Variants in BCAR1 observed in about 807,000 individuals in gnomAD.
The protein encoded by BCAR1 is BCAR1 scaffold protein, Cas family member, also known as breast cancer anti-estrogen resistance protein 1.
In BCAR1, 30 loss-of-function variants were observed where a neutral mutation model predicts 67.6. That is an observed-to-expected ratio of 0.44 (90% CI 0.33 to 0.60). The LOEUF (loss-of-function observed/expected upper bound fraction) is 0.60, where lower values mean the gene tolerates loss of function less well. Among genes scored for constraint, BCAR1 ranks in the 20% least tolerant of loss-of-function variants. BCAR1 has a pLI of 0.02. For missense variants in BCAR1, 1,313 were observed against 1,222.3 expected, an observed-to-expected ratio of 1.07 and a Z score of -1.11; for synonymous variants, 626 against 556.7, an observed-to-expected ratio of 1.12 and a Z score of -1.75.
Position 75,264,636 on chromosome 16 carries a change from G to C in BCAR1, c.66+3279C>G, listed in dbSNP as rs1039617448. Reference sequence around the variant, plus strand: ...CATTACCACTTCTGGAGGCGAGCAGGAGCGGGCTCTTTAATTCCACAATAA... The same window carrying C: ...CATTACCACTTCTGGAGGCGAGCAGCAGCGGGCTCTTTAATTCCACAATAA... On this transcript the variant is annotated intron_variant, in intron 1 of 6. Transcript: ENST00000393422. The C allele has an allele frequency of 6.3e-6, 8 of 1,263,432 alleles. No homozygotes were observed. In the Admixed American group the frequency reaches 3.0e-4, roughly 48 times the overall value. The allele number at this position is 1,263,432 out of a possible 1,614,324, so 78.3% of individuals were successfully genotyped here.
chr16:75,233,983 G>A, intron 5 of BCAR1, 48 bp from the exon 6 acceptor site: 1 of 1,539,454 alleles, frequency 6.5e-7, no homozygotes, highest in Non-Finnish European at 8.8e-7. Context: ...TTCTGAGCCA[G>A]AAGCACAGGC....
At chr16:75,252,027 C>T (rs2077693381), upstream of BCAR1, 2 of 682,882 alleles carry the variant, frequency 2.9e-6, no homozygotes, top group Non-Finnish European at 4.9e-6. Flanking sequence ...AACCCCAGGG[C>T]ATTCATCGCG....
chr16:75,262,292 A>G (rs1010166972), intron 1 of BCAR1, among the ~76,000 whole-genome samples: 5 of 152,214 alleles, frequency 3.3e-5, no homozygotes, highest in Non-Finnish European at 1.5e-5. Flanking sequence ...GGCAAGCTGC[A>G]GCCAGAAGGC....
chr16:75,238,326 C>T (rs2151423172), intron 2 of BCAR1: 1 of 1,141,308 alleles, frequency 8.8e-7, no homozygotes, highest in Non-Finnish European at 1.1e-6. Context: ...CACCAGGCTC[C>T]CTGTTCAGCT....
chr16:75,234,142 C>A (rs1414322703), intron 5 of BCAR1, among the ~76,000 whole-genome samples: 1 of 149,774 alleles, frequency 6.7e-6, no homozygotes, highest in African/African-American at 2.5e-5. Context: ...CACAGACTGG[C>A]ACGTGCAGGG....
At chr16:75,249,939 C>T (rs1262471429) in intron 1 of BCAR1, 1 of 152,260 alleles carries the variant, frequency 6.6e-6, no homozygotes, top group African/African-American at 2.4e-5. Flanking sequence ...AACTGACTGT[C>T]TCTCTGTACC....
chr16:75,231,159 C>T (rs980270297), intron 6 of BCAR1, among the ~76,000 whole-genome samples: 3 of 150,266 alleles, frequency 2.0e-5, no homozygotes, highest in East Asian at 2.0e-4. Context: ...TGAAGTGGCA[C>T]GATCTCGGCT....
Position 75,238,307 on chromosome 16 carries a change from C to T in BCAR1, c.634-963G>A, listed in dbSNP as rs182567000. 101 of 1,143,538 alleles carry T rather than the reference C, an allele frequency of 8.8e-5. No homozygotes were observed. In the East Asian group the frequency reaches 5.3e-3, roughly 60 times the overall value. The allele number at this position is 1,143,538 out of a possible 1,614,324, so 70.8% of individuals were successfully genotyped here. On this transcript the variant is annotated intron_variant, in intron 2 of 6. Coordinates refer to ENST00000162330, the MANE Select transcript of BCAR1 (RefSeq NM_014567.5). ...AGCCCCCGGGCACACTGCGCCCACA[C>T]GCCTCCACCACCAGGCTCCCTGTTC...
chr16:75,231,540 G>A (rs1293331608), intron 6 of BCAR1, among the ~76,000 whole-genome samples: 1 of 152,228 alleles, frequency 6.6e-6, no homozygotes, highest in Non-Finnish European at 1.5e-5. Context: ...GTTCTCATCA[G>A]TAAGTCTTCA....
intron 1 of BCAR1, chr16:75,265,692 G>A (rs2077994242): frequency 2.9e-6 from 3 of 1,025,210 alleles, no homozygotes; most frequent in Admixed American, 5.0e-5. Context: ...GCTCTCCCCC[G>A]GGGCCGAGGA....
intron 1 of BCAR1, chr16:75,264,587 C>A: frequency 7.7e-7 from 1 of 1,298,258 alleles, no homozygotes; most frequent in Non-Finnish European, 9.8e-7. Flanking sequence ...AGTCTGGAAG[C>A]CCTCATTTTT....
Position 75,235,552 on chromosome 16 carries a change from C to A in BCAR1, c.1347G>T (p.Pro449=). 1.3e-6 allele frequency: 2 copies of A among 1,594,054 alleles called. No homozygotes were observed. Among genetic ancestry groups the A allele is most frequent in the Non-Finnish European group, 1.7e-6 (2 of 1,170,986 alleles). ...CTTCCAGCTCCAGGGGTTCCCGGCCCGGCCCTGCCACCTCCAAGGAGGACG... is the reference window on the plus strand; with the variant it reads ...CTTCCAGCTCCAGGGGTTCCCGGCCAGGCCCTGCCACCTCCAAGGAGGACG... The part of the protein sequence containing the change: ...QSASSLEVAG[P]GREPLELEVA... The change falls in exon 5 of 7, where the codon CCG becomes CCT. Residue 449 remains proline, a synonymous_variant. Coordinates refer to ENST00000162330, the MANE Select transcript of BCAR1 (RefSeq NM_014567.5).
Position 75,237,323 on chromosome 16 carries a change from C to A in BCAR1, c.655G>T (p.Gly219Trp). The change falls in exon 3 of 7, where the codon GGG becomes TGG. Residue 219 changes from glycine to tryptophan, a missense_variant. Physicochemically the swap from Gly to Trp is radical, Grantham distance 184 (BLOSUM62 -2). Transcript: ENST00000162330. ...PAKVVVPTRV[G>W]QGYVYEAAQP... ...GCGGCCTCGTATACATAGCCCTGCC[C>A]CACGCGGGTGGGCACCACCACCTGG... is the stretch of plus-strand genomic sequence containing the variant. 1 of 1,480,730 alleles carries A rather than the reference C, an allele frequency of 6.8e-7. No homozygotes were observed. Among genetic ancestry groups the A allele is most frequent in the South Asian group, 1.4e-5 (1 of 72,390 alleles). The allele number at this position is 1,480,730 out of a possible 1,614,324, so 91.7% of individuals were successfully genotyped here. A position where few individuals can be genotyped will look rare whatever the true frequency, so the allele number is the denominator to read the frequency against.
At chr16:75,251,883 C>A, upstream of BCAR1, 1 of 328,572 alleles carries the variant, frequency 3.0e-6, no homozygotes, top group Non-Finnish European at 5.5e-6. Flanking sequence ...AAATGCACGT[C>A]CCCGCCTTCC....
At chr16:75,257,441 G>C (rs1211292805) in intron 1 of BCAR1, among the ~76,000 whole-genome samples, 3 of 152,248 alleles carry the variant, frequency 2.0e-5, no homozygotes, top group Non-Finnish European at 4.4e-5. Flanking sequence ...AGCTGTGGCA[G>C]CCACAGGGAA....
chr16:75,251,525 C>A lies in BCAR1; in HGVS notation c.-43G>T, dbSNP rs1193352439. On this transcript the variant is annotated 5_prime_UTR_variant, in exon 1 of 7. Transcript: ENST00000162330. Reference sequence around the variant, plus strand: ...GGGCCCCGGCTCTCGCGGGGGCGCACACCGAGCTGCCCGGGCCGCGTGCCC... The same window carrying A: ...GGGCCCCGGCTCTCGCGGGGGCGCAAACCGAGCTGCCCGGGCCGCGTGCCC... 18 of 1,277,514 alleles carry A rather than the reference C, an allele frequency of 1.4e-5. No individual in the cohort carries two copies. The South Asian group carries it at 1.6e-4, about 11-fold the overall frequency. 79.1% of individuals were successfully genotyped at this position (1,277,514 alleles called of 1,614,324 possible).
intron 1 of BCAR1, chr16:75,263,341 C>G (rs1445208549): frequency 2.0e-6 from 2 of 985,342 alleles, no homozygotes; most frequent in Non-Finnish European, 2.4e-6. Context: ...GGCACATTTC[C>G]TTCCAAATGT....
chr16:75,257,550 G>A (rs767262039), intron 1 of BCAR1, among the ~76,000 whole-genome samples: 1 of 152,168 alleles, frequency 6.6e-6, no homozygotes, highest in Non-Finnish European at 1.5e-5. Context: ...AACCTCCTGG[G>A]CTCAAACGAT....
At chr16:75,265,896 C>T in intron 1 of BCAR1, 1 of 1,127,116 alleles carries the variant, frequency 8.9e-7, no homozygotes, top group Non-Finnish European at 1.1e-6. Flanking sequence ...GGGCTCGGGT[C>T]CGCCCGCGCC....
Sources: allele counts gnomAD v4.1 joint callset (sites outside exome capture counted in the v4.1 genomes callset), GRCh38; gene constraint gnomAD v4.1.1; transcripts MANE v1.5; gene names NCBI Gene and HGNC (gene_info 2026-07-23, HGNC 2026-07-21).